ACO1: variants seen among roughly 807,000 people sequenced by gnomAD.
The protein encoded by ACO1 is aconitase 1.
Under a neutral mutation model 105.1 loss-of-function variants are expected in ACO1, and 78 were observed. The ratio of observed to expected loss-of-function variants is 0.74; its 90% CI spans 0.62 to 0.90. The LOEUF (loss-of-function observed/expected upper bound fraction) is 0.90. ACO1 is among the 40% of genes least tolerant of loss of function. The probability of loss-of-function intolerance (pLI) is 0.00; values close to 1 mark genes in which losing one functional copy is unlikely to be tolerated. For missense variants in ACO1, 965 were observed against 1,111.1 expected, an observed-to-expected ratio of 0.87 and a Z score of 1.87; for synonymous variants, 364 against 397.4, an observed-to-expected ratio of 0.92 and a Z score of 1.00.
intron 7 of ACO1, 125 bp downstream of exon 7, chr9:32,419,302 A>C: frequency 1.8e-6 from 2 of 1,105,110 alleles, no homozygotes; most frequent in Non-Finnish European, 2.4e-6. Context: ...AACAAGGTTG[A>C]TGATTTTAAA....
chr9:32,450,286 T>A lies in ACO1; in HGVS notation c.*175T>A, dbSNP rs1822733764. ...AGGCACAAAACCAGAAGTTTCTACATTCTCTATTTTTGTTAATCATCTTCT... is the reference window on the plus strand; with the variant it reads ...AGGCACAAAACCAGAAGTTTCTACAATCTCTATTTTTGTTAATCATCTTCT... On this transcript the variant is annotated 3_prime_UTR_variant, in exon 21 of 21. Coordinates refer to ENST00000309951, the MANE Select transcript of ACO1 (RefSeq NM_002197.3). 2 of 703,898 alleles carry A rather than the reference T, an allele frequency of 2.8e-6. No homozygotes were observed. Among genetic ancestry groups the A allele is most frequent in the Non-Finnish European group, 5.3e-6 (2 of 380,494 alleles). The allele number at this position is 703,898 out of a possible 1,614,324, so 43.6% of individuals were successfully genotyped here.
intron 4 of ACO1, 61 bp downstream of exon 4, chr9:32,408,712 C>G (rs1821670076): frequency 6.4e-7 from 1 of 1,571,806 alleles, no homozygotes; most frequent in African/African-American, 1.4e-5. Flanking sequence ...GAACACGAAT[C>G]TTTTTAAAAT....
intron 2 of ACO1, among the ~76,000 whole-genome samples, chr9:32,406,822 C>T (rs530808777): frequency 2.6e-5 from 4 of 152,292 alleles, no homozygotes; most frequent in Non-Finnish European, 4.4e-5. Flanking sequence ...CTTGCTCTGT[C>T]GCCAGGCTGG....
chr9:32,448,881 G>T lies in ACO1; in HGVS notation c.2371-15G>T. ...AGATTGGAAGTATGTCTAAACTACT[G>T]TCTTTATTCATCAGGGAATCAAAGC... On this transcript the variant is annotated splice_polypyrimidine_tract_variant and intron_variant, in intron 19 of 20. Transcript: ENST00000309951. 1.2e-6 allele frequency: 2 copies of T among 1,614,080 alleles called. No homozygotes were observed. The highest frequency in any genetic ancestry group is 1.7e-6 in the Non-Finnish European group (2 of 1,179,962).
rs529488402 is a variant in ACO1, at chr9:32,442,081, T to C, written c.2370+1494T>C. 7.9e-5 allele frequency among the ~76,000 whole-genome samples: 12 copies of C among 151,878 alleles called. No individual in the cohort carries two copies. In the East Asian group the frequency reaches 9.7e-4, roughly 12 times the overall value. ...TGCGTCTCAAGTTTGGAAACACTTA[T>C]GGGATTTTTTTTTTTTAATACTTTA... On this transcript the variant is annotated intron_variant, in intron 19 of 20. Coordinates refer to ENST00000309951, the MANE Select transcript of ACO1 (RefSeq NM_002197.3).
intron 19 of ACO1, among the ~76,000 whole-genome samples, chr9:32,447,498 A>G (rs781250467): frequency 3.3e-5 from 5 of 152,096 alleles, no homozygotes; most frequent in Non-Finnish European, 7.3e-5. Context: ...GCTTCCTTAC[A>G]TTGGGTTAAA....
chr9:32,416,921 T>C (rs568758343), intron 4 of ACO1, among the ~76,000 whole-genome samples: 9 of 152,220 alleles, frequency 5.9e-5, no homozygotes, highest in Admixed American at 1.3e-4. Context: ...AGTTCACATG[T>C]GTAAAGCTCT....
At chr9:32,442,641 G>T (rs1207615521) in intron 19 of ACO1, among the ~76,000 whole-genome samples, 1 of 152,160 alleles carries the variant, frequency 6.6e-6, no homozygotes, top group Non-Finnish European at 1.5e-5. Flanking sequence ...TTTATCTGTG[G>T]TATGTTCTGA....
chr9:32,418,809 C>G (rs1821907563), intron 6 of ACO1, among the ~76,000 whole-genome samples: 1 of 152,120 alleles, frequency 6.6e-6, no homozygotes, highest in South Asian at 2.1e-4. Context: ...CATGTGGCAT[C>G]AAGGGGATTT....
chr9:32,441,216 G>A (rs1364261199), intron 19 of ACO1, among the ~76,000 whole-genome samples: 4 of 152,188 alleles, frequency 2.6e-5, no homozygotes, highest in East Asian at 3.9e-4. Flanking sequence ...CCGCCATCTC[G>A]GGGCTCTACC....
chr9:32,425,086 C>G (rs1033177480), intron 10 of ACO1, among the ~76,000 whole-genome samples: 1 of 152,190 alleles, frequency 6.6e-6, no homozygotes, highest in Non-Finnish European at 1.5e-5. Flanking sequence ...GTCCCCTTTC[C>G]CTTATTGGAC....
intron 1 of ACO1, among the ~76,000 whole-genome samples, chr9:32,390,785 C>T (rs368634714): frequency 5.6e-4 from 85 of 152,204 alleles, no homozygotes; most frequent in African/African-American, 1.9e-3. Context: ...GTCTTAAATT[C>T]GAGCCAATAT....
At chr9:32,406,616 C>G (rs1162841160) in intron 2 of ACO1, among the ~76,000 whole-genome samples, 1 of 152,196 alleles carries the variant, frequency 6.6e-6, no homozygotes, top group African/African-American at 2.4e-5. Context: ...GAGTGAGACC[C>G]TGTCTCGAAA....
intron 4 of ACO1, among the ~76,000 whole-genome samples, chr9:32,416,092 G>A (rs1282533336): frequency 1.5e-5 from 2 of 130,022 alleles, no homozygotes; most frequent in East Asian, 4.5e-4. Flanking sequence ...AACCAAATAT[G>A]TTTTCTTTTT....
Position 32,434,628 on chromosome 9 carries a change from A to G in ACO1, c.2026A>G (p.Thr676Ala). ...GCTGCTAAATTTGGGAGATTCGGTA[A>G]CAACTGACCACATCTCCCCAGCTGG... ...YVLLNLGDSV[T>A]TDHISPAGNI... The change falls in exon 17 of 21, where the codon ACA (threonine) becomes GCA (alanine). Residue 676 changes from threonine (T) to alanine (A), a missense_variant. By Grantham distance (58) the Thr-to-Ala change is moderately conservative. Transcript: ENST00000309951. 6.2e-7 allele frequency: 1 copy of G among 1,614,160 alleles called. No homozygotes were observed. Among genetic ancestry groups the G allele is most frequent in the Non-Finnish European group, 8.5e-7 (1 of 1,180,008 alleles).
At chr9:32,412,667 G>A (rs2118434033) in intron 4 of ACO1, among the ~76,000 whole-genome samples, 1 of 152,286 alleles carries the variant, frequency 6.6e-6, no homozygotes, top group Middle Eastern at 3.4e-3. Flanking sequence ...CTGTCCTAAG[G>A]CAATATGTCT....
At chr9:32,385,886 G>T (rs554368935) in intron 1 of ACO1, among the ~76,000 whole-genome samples, 1 of 152,324 alleles carries the variant, frequency 6.6e-6, no homozygotes, top group African/African-American at 2.4e-5. Flanking sequence ...CATTCATTGG[G>T]CCTGCTTCTT....
intron 2 of ACO1, among the ~76,000 whole-genome samples, chr9:32,406,484 G>A (rs141251292): frequency 1.4e-3 from 217 of 152,230 alleles, no homozygotes; most frequent in African/African-American, 5.1e-3. Context: ...TTAGCTGGGT[G>A]TGGTGATGCT....
chr9:32,403,661 A>T (rs771004776), intron 1 of ACO1, among the ~76,000 whole-genome samples: 1 of 152,216 alleles, frequency 6.6e-6, no homozygotes, highest in African/African-American at 2.4e-5. Flanking sequence ...AACTGGTTTA[A>T]TCCAAAAATT....
Sources: gnomAD v4.1 joint callset for allele counts (sites outside exome capture counted in the v4.1 genomes callset) on GRCh38, gnomAD v4.1.1 for gene constraint, MANE v1.5 for transcripts, NCBI Gene and HGNC (gene_info 2026-07-23, HGNC 2026-07-21) for gene names.